WARS1: variants seen among roughly 807,000 people sequenced by gnomAD.
WARS1 encodes tryptophan--tRNA ligase, cytoplasmic.
In WARS1, 17 loss-of-function variants were observed where a neutral mutation model predicts 47.8. The ratio of observed to expected loss-of-function variants is 0.36; its 90% confidence interval spans 0.24 to 0.53. The LOEUF (loss-of-function observed/expected upper bound fraction) is 0.53. Among genes scored for constraint, WARS1 ranks in the 20% least tolerant of loss-of-function variants. The pLI is 0.91. For missense variants in WARS1, 434 were observed against 608.0 expected (o/e 0.71, Z 3.01); for synonymous variants, 208 against 228.1 (o/e 0.91, Z 0.79).
intron 7 of WARS1, among the ~76,000 whole-genome samples, chr14:100,344,735 G>A (rs1448812966): frequency 1.9e-4 from 28 of 147,110 alleles, no homozygotes; most frequent in Non-Finnish European, 3.7e-4. Flanking sequence ...CTGCCCCGCC[G>A]CCCCGTCTGG....
intron 4 of WARS1, among the ~76,000 whole-genome samples, chr14:100,357,096 T>TA (rs2140020189): frequency 6.6e-6 from 1 of 152,298 alleles, no homozygotes. Context: ...ATGCATTTGA[T>TA]AAAATCTAAC....
At chr14:100,370,876 G>A (rs1352684552) in intron 1 of WARS1, among the ~76,000 whole-genome samples, 3 of 151,968 alleles carry the variant, frequency 2.0e-5, no homozygotes, top group Admixed American at 6.6e-5. Flanking sequence ...CCAGGAGTTC[G>A]AGGCTTCAGT....
In WARS1 at chr14:100,361,926, G is replaced by A. The variant is rs756924454; in HGVS notation, c.100-5C>T. On this transcript the variant is annotated splice_polypyrimidine_tract_variant and splice_region_variant and intron_variant, in intron 2 of 10. Transcript: ENST00000392882. ...TACTGCAGAATCAATTTCATCCTGA[G>A]AGAGGAAATAAAAGGGATGGCTAAA... The A allele has an allele frequency of 6.2e-7, 1 of 1,613,820 alleles. No homozygotes were observed. Among genetic ancestry groups the A allele is most frequent in the South Asian group, 1.1e-5 (1 of 91,078 alleles).
chr14:100,366,784 C>A, intron 2 of WARS1: 1 of 1,176,236 alleles, frequency 8.5e-7, no homozygotes, highest in Non-Finnish European at 1.3e-6. Flanking sequence ...CTTGAAGATA[C>A]ATGGGTGGCT....
In WARS1 at chr14:100,373,752, C is replaced by T. The variant is rs1484531074; in HGVS notation, c.-74+1531G>A. On this transcript the variant is annotated intron_variant, in intron 1 of 10. Coordinates refer to ENST00000392882, the MANE Select transcript of WARS1 (RefSeq NM_004184.4). This position sits in a 1 kb window ranked among gnomAD's most constrained non-coding sequence, Gnocchi z 4.4. ...AGAAGCACATGGGAATGAAATTAGA[C>T]TGAGGAAATAGCAGATGATCATGAT... Among the ~76,000 whole-genome samples the T allele has an allele frequency of 9.2e-5, 14 of 152,008 alleles. No homozygotes were observed. The highest frequency in any genetic ancestry group is 9.2e-4 in the Admixed American group (14 of 15,250).
At chr14:100,350,049 G>A (rs1392023028) in intron 6 of WARS1, among the ~76,000 whole-genome samples, 1 of 151,994 alleles carries the variant, frequency 6.6e-6, no homozygotes, top group South Asian at 2.1e-4. Context: ...AGATATCATC[G>A]ACCCTTTTGG....
intron 7 of WARS1, among the ~76,000 whole-genome samples, chr14:100,344,172 C>A (rs1446812347): frequency 6.6e-6 from 1 of 152,188 alleles, no homozygotes; most frequent in African/African-American, 2.4e-5. Flanking sequence ...CGGCTCACTG[C>A]AACCTCCCTG....
At chr14:100,353,644 C>T (rs1895135436) in intron 6 of WARS1, 43 bp downstream of exon 6, 2 of 1,600,702 alleles carry the variant, frequency 1.2e-6, no homozygotes, top group South Asian at 1.1e-5. Context: ...ACTTGACATC[C>T]TCCTCTACCT....
chr14:100,354,402 C>G (rs1310287188), intron 5 of WARS1, 45 bp downstream of exon 5: 1 of 1,589,650 alleles, frequency 6.3e-7, no homozygotes, highest in Non-Finnish European at 8.6e-7. Context: ...GCAACATTCT[C>G]AATTCACTAA....
Position 100,343,283 on chromosome 14 carries a change from T to C in WARS1, c.931A>G (p.Ile311Val). 1 of 1,611,396 alleles carries C rather than the reference T, an allele frequency of 6.2e-7. No homozygotes were observed. ...CTTTTCTGCCTGCTGACCTGGTCAA[T>C]GGCACATGGGATAAGGCACTGGATA... ...TDIQCLIPCA[I>V]DQDPYFRMTR... Residue 311 changes from isoleucine to valine, a missense_variant, in exon 8 of 11, where the codon ATT becomes GTT. By Grantham distance (29) the Ile-to-Val change is conservative (BLOSUM62 3). This residue lies in a region of WARS1 where 347 missense variants were observed against 523.8 expected (regional missense o/e 0.66). Transcript: ENST00000392882.
Position 100,350,752 on chromosome 14 carries a change from T to A in WARS1, c.725+2935A>T, listed in dbSNP as rs890586361. 2.0e-4 allele frequency among the ~76,000 whole-genome samples: 30 copies of A among 152,226 alleles called. 1 individual carries two copies. Among genetic ancestry groups the A allele is most frequent in the East Asian group, 1.5e-3 (8 of 5,168 alleles). ...AGAGAGCACAAATTCAGGAACTATG[T>A]GTCTTACTCAGCTAGTGGGGAGAGG... On this transcript the variant is annotated intron_variant, in intron 6 of 10. Coordinates refer to ENST00000392882, the MANE Select transcript of WARS1 (RefSeq NM_004184.4).
chr14:100,356,433 C>G (rs1338141067), intron 4 of WARS1, among the ~76,000 whole-genome samples: 3 of 147,070 alleles, frequency 2.0e-5, no homozygotes, highest in South Asian at 2.2e-4. Flanking sequence ...AAGACTCAAA[C>G]GGCCAAAATC....
rs186836310 is a variant in WARS1, at chr14:100,365,448, C to T, written c.100-3527G>A. The T allele has an allele frequency of 1.5e-4, 38 of 245,490 alleles. No homozygotes were observed. In the East Asian group the frequency reaches 5.5e-3, roughly 36 times the overall value. 15.2% of individuals were successfully genotyped at this position (245,490 alleles called of 1,614,324 possible). ...TACAAAAATTAGCCGGGTGTGGTGG[C>T]GGGCGCCTGCAGTCCCAGCTACTTA... On this transcript the variant is annotated intron_variant, in intron 2 of 10. Transcript: ENST00000392882.
intron 5 of WARS1, 80 bp from the exon 6 acceptor site, chr14:100,353,949 C>G: frequency 7.5e-7 from 1 of 1,342,240 alleles, no homozygotes; most frequent in Middle Eastern, 2.6e-4. Context: ...AAACACAGCT[C>G]CTACTTACAA....
chr14:100,373,446 T>C lies in WARS1; in HGVS notation c.-74+1837A>G, dbSNP rs1896458037. On this transcript the variant is annotated intron_variant, in intron 1 of 10. Coordinates refer to ENST00000392882, the MANE Select transcript of WARS1 (RefSeq NM_004184.4). This position sits in a 1 kb window ranked among gnomAD's most constrained non-coding sequence, Gnocchi z 4.4. ...TGGTCACTATTTTTGGAATTCCTTT[T>C]GGTTTACCCTGTCCTTCCAAAAAAT... Among the ~76,000 whole-genome samples, 1 of 152,200 alleles carries C rather than the reference T, an allele frequency of 6.6e-6. No individual in the cohort carries two copies. Among genetic ancestry groups the C allele is most frequent in the Admixed American group, 6.5e-5 (1 of 15,284 alleles).
At chr14:100,353,252 A>AT (rs892411902) in intron 6 of WARS1, 69 of 153,388 alleles carry the variant, frequency 4.5e-4, no homozygotes, top group African/African-American at 1.2e-3. Context: ...AGCTCATAGC[A>AT]TTTTTTTTTC....
chr14:100,367,405 T>C lies in WARS1; in HGVS notation c.99+1682A>G, dbSNP rs148716952. The stretch of plus-strand genomic sequence containing the variant: ...GAGTTTGAGATCAGCCTGGCTAATA[T>C]AGTGAAACCCCGTCTCTACTAAAAA... On this transcript the variant is annotated intron_variant, in intron 2 of 10. Transcript: ENST00000392882. Among the ~76,000 whole-genome samples the C allele has an allele frequency of 6.4e-3, 967 of 151,844 alleles. 14 individuals are homozygous for C. The highest frequency in any genetic ancestry group is 0.022 in the African/African-American group (900 of 41,432).
rs1314683284 is a variant in WARS1 at position 100,342,420 on chromosome 14, G to A, written c.1091C>T (p.Thr364Met). The A allele has an allele frequency of 1.4e-5, 23 of 1,614,002 alleles. No individual in the cohort carries two copies. The highest frequency in any genetic ancestry group is 6.7e-5 in the East Asian group (3 of 44,844). ...CACCTTGGTTTTGATCTGCTTGGCC[G>A]TGTCGGTGAGGAAGATGGAGGAGTT... The part of the protein sequence containing the change: ...DPNSSIFLTD[T>M]AKQIKTKVNK... Residue 364 changes from threonine to methionine, a missense_variant, in exon 9 of 11, where the codon ACG (threonine) becomes ATG (methionine). Physicochemically the swap from Thr to Met is moderately conservative, Grantham distance 81 (BLOSUM62 -1). Coordinates refer to ENST00000392882, the MANE Select transcript of WARS1 (RefSeq NM_004184.4).
intron 6 of WARS1, among the ~76,000 whole-genome samples, chr14:100,351,481 A>G (rs1894973751): frequency 7.0e-6 from 1 of 141,968 alleles, no homozygotes; most frequent in Non-Finnish European, 1.5e-5. Flanking sequence ...GGCAAAACCC[A>G]TGAGTGAGAC....
Sources: allele counts gnomAD v4.1 joint callset (sites outside exome capture counted in the v4.1 genomes callset), GRCh38; gene constraint gnomAD v4.1.1; regional missense constraint gnomAD v4.1.1; non-coding constraint Gnocchi (gnomAD v3.1); transcripts MANE v1.5; gene names NCBI Gene and HGNC (gene_info 2026-07-23, HGNC 2026-07-21).